Variants in SPAG16 observed in about 807,000 individuals in gnomAD.
SPAG16 encodes sperm associated antigen 16, also known as sperm-associated antigen 16 protein.
Under a neutral mutation model 80.4 loss-of-function variants are expected in SPAG16, and 86 were observed. That is an observed-to-expected ratio of 1.07 (90% CI 0.90 to 1.28). The LOEUF is 1.28. Among genes scored for constraint, SPAG16 ranks in the 50% most tolerant of loss-of-function variants. The pLI, the probability that SPAG16 is intolerant of heterozygous loss-of-function variation, is 0.00. For synonymous variants in SPAG16, 294 were observed against 265.9 expected, an observed-to-expected ratio of 1.11 and a Z score of -1.03; for missense variants, 870 against 765.3, an observed-to-expected ratio of 1.14 and a Z score of -1.61.
chr2:214,298,137 CACATACACACACACACACAT>C (rs1184822472), intron 15 of SPAG16, among the ~76,000 whole-genome samples: 22 of 40,620 alleles, frequency 5.4e-4, no homozygotes, highest in African/African-American at 1.2e-3. Context: ...CACACACATA[CACATACACACACACACACAT>C]ATACACACAC....
intron 15 of SPAG16, among the ~76,000 whole-genome samples, chr2:214,283,948 TTAAA>T (rs1205526241): frequency 6.6e-6 from 1 of 152,182 alleles, no homozygotes; most frequent in East Asian, 1.9e-4. Context: ...CAGTAATTTA[TTAAA>T]TAAAGCACAA....
At chr2:214,401,156 G>A (rs1205095813) in intron 15 of SPAG16, among the ~76,000 whole-genome samples, 1 of 151,838 alleles carries the variant, frequency 6.6e-6, no homozygotes, top group Non-Finnish European at 1.5e-5. Context: ...GACCCTGGTT[G>A]AGCCATTAAT....
At chr2:213,821,152 C>T (rs2072909781) in intron 10 of SPAG16, among the ~76,000 whole-genome samples, 1 of 151,946 alleles carries the variant, frequency 6.6e-6, no homozygotes, top group Non-Finnish European at 1.5e-5. Flanking sequence ...GTTCATTCTT[C>T]TGTCATATTG....
intron 15 of SPAG16, among the ~76,000 whole-genome samples, chr2:214,393,449 ATATT>A (rs778971775): frequency 1.3e-4 from 20 of 152,226 alleles, no homozygotes; most frequent in East Asian, 7.7e-4. Context: ...AAAAGGCAAG[ATATT>A]TATTTAAGTA....
At chr2:213,781,468 C>G (rs1471432994) in intron 10 of SPAG16, among the ~76,000 whole-genome samples, 3 of 152,120 alleles carry the variant, frequency 2.0e-5, no homozygotes, top group Non-Finnish European at 4.4e-5. Context: ...ATGTGTAGCT[C>G]TGCTATCTAG....
intron 10 of SPAG16, among the ~76,000 whole-genome samples, chr2:213,809,529 T>G (rs558647363): frequency 9.9e-5 from 15 of 152,268 alleles, no homozygotes; most frequent in African/African-American, 3.4e-4. Context: ...ATATAACAAT[T>G]AAGGTATTTG....
rs768570116 is a variant in SPAG16 at position 213,297,371 on chromosome 2, C to CA, written c.279+15dup. 2 of 1,532,014 alleles carry CA rather than the reference C, an allele frequency of 1.3e-6. No individual in the cohort carries two copies. The highest frequency in any genetic ancestry group is 1.8e-6 in the Non-Finnish European group (2 of 1,111,384). 94.9% of individuals were successfully genotyped at this position (1,532,014 alleles called of 1,614,324 possible). On this transcript the variant is annotated intron_variant, in intron 3 of 15. Transcript: ENST00000331683. The stretch of plus-strand genomic sequence containing the variant: ...ACTGAAATTTTGGTGAGAATTTGAA[C>CA]ACTAGTGTAGTCTATAGTTTAGTGG...
intron 13 of SPAG16, among the ~76,000 whole-genome samples, chr2:214,076,411 A>G (rs2051074202): frequency 6.6e-6 from 1 of 152,178 alleles, no homozygotes; most frequent in South Asian, 2.1e-4. Context: ...TGTAAATTAA[A>G]TTCAATCATT....
chr2:213,556,165 A>G (rs570440955), intron 10 of SPAG16, among the ~76,000 whole-genome samples: 22 of 152,026 alleles, frequency 1.4e-4, no homozygotes, highest in African/African-American at 5.3e-4. Context: ...AAAATGAAGA[A>G]AGGAACAAAG....
rs200070959 is a variant in SPAG16 at position 213,951,019 on chromosome 2, G to GTTT, written c.1400+20885_1400+20887dup. Among the ~76,000 whole-genome samples, 267 of 146,020 alleles carry GTTT rather than the reference G, an allele frequency of 1.8e-3. 3 individuals are homozygous for GTTT. The highest frequency in any genetic ancestry group is 0.011 in the Middle Eastern group (3 of 276). On this transcript the variant is annotated intron_variant, in intron 12 of 15. Transcript: ENST00000331683. ...AAGCCACCACGCCTAGCCTGACATA[G>GTTT]TTTTTTTTTTTTTAATAATACATTT...
intron 10 of SPAG16, among the ~76,000 whole-genome samples, chr2:213,490,380 G>A (rs1166835487): frequency 6.6e-6 from 1 of 152,104 alleles, no homozygotes; most frequent in Admixed American, 6.5e-5. Flanking sequence ...TTTAAAGATA[G>A]GATCTCAGCA....
chr2:214,396,677 T>C (rs547217015), intron 15 of SPAG16, among the ~76,000 whole-genome samples: 10 of 152,260 alleles, frequency 6.6e-5, no homozygotes, highest in Non-Finnish European at 1.3e-4. Context: ...TAAATTTAAA[T>C]ATTGACAACA....
At chr2:213,556,827 G>T (rs958952940) in intron 10 of SPAG16, among the ~76,000 whole-genome samples, 1 of 152,088 alleles carries the variant, frequency 6.6e-6, no homozygotes, top group Non-Finnish European at 1.5e-5. Context: ...CATTCCCCAG[G>T]ATAGATCATA....
intron 15 of SPAG16, among the ~76,000 whole-genome samples, chr2:214,293,767 C>T (rs1370171165): frequency 6.6e-6 from 1 of 152,182 alleles, no homozygotes; most frequent in African/African-American, 2.4e-5. Flanking sequence ...GGCCTTCCAT[C>T]TCCCTCCTGT....
chr2:213,351,031 A>G (rs573369666), intron 7 of SPAG16, among the ~76,000 whole-genome samples: 18 of 152,066 alleles, frequency 1.2e-4, no homozygotes, highest in Admixed American at 1.2e-3. Flanking sequence ...AATCCCTGCT[A>G]CGTGGGAGGC....
At chr2:213,919,791 G>C (rs187966466) in intron 11 of SPAG16, among the ~76,000 whole-genome samples, 91 of 152,270 alleles carry the variant, frequency 6.0e-4, no homozygotes, top group Non-Finnish European at 1.0e-3. Context: ...GGAGAGTTCT[G>C]TAGATATCTA....
chr2:213,504,782 GC>G (rs909834561), intron 10 of SPAG16, among the ~76,000 whole-genome samples: 4 of 152,234 alleles, frequency 2.6e-5, no homozygotes, highest in Admixed American at 6.5e-5. Flanking sequence ...AAAGCTCCAA[GC>G]TATAATCAAG....
chr2:213,903,406 A>G (rs549095070), intron 11 of SPAG16, among the ~76,000 whole-genome samples: 12 of 152,190 alleles, frequency 7.9e-5, no homozygotes, highest in African/African-American at 2.6e-4. Flanking sequence ...ACAGCTCAAC[A>G]CCACATGGAA....
At chr2:213,472,483 GTCCT>G (rs2073134301) in intron 9 of SPAG16, among the ~76,000 whole-genome samples, 2 of 152,138 alleles carry the variant, frequency 1.3e-5, no homozygotes, top group Non-Finnish European at 2.9e-5. Flanking sequence ...TGTCTTTTGA[GTCCT>G]TGATGGTGGC....
Sources: gnomAD v4.1 joint callset for allele counts (sites outside exome capture counted in the v4.1 genomes callset) on GRCh38, gnomAD v4.1.1 for gene constraint, MANE v1.5 for transcripts, NCBI Gene and HGNC (gene_info 2026-07-23, HGNC 2026-07-21) for gene names.